Variants in PLCB4 observed in about 807,000 individuals in gnomAD.
The protein encoded by PLCB4 is phospholipase C beta 4, also known as 1-phosphatidylinositol 4,5-bisphosphate phosphodiesterase beta-4.
A neutral mutation model predicts 178.8 loss-of-function variants in PLCB4; 77 were observed. That is an observed-to-expected ratio of 0.43 (90% CI 0.36 to 0.52). The LOEUF (loss-of-function observed/expected upper bound fraction) is 0.52. PLCB4 is among the 20% of genes least tolerant of loss of function. The pLI, the probability that PLCB4 is intolerant of heterozygous loss-of-function variation, is 0.00. For missense variants in PLCB4, 1,024 were observed against 1,453.4 expected (o/e 0.70, Z 4.80); for synonymous variants, 496 against 490.8 (o/e 1.01, Z -0.14).
chr20:9,133,391 C>T (rs2092316542), intron 2 of PLCB4, among the ~76,000 whole-genome samples: 1 of 152,074 alleles, frequency 6.6e-6, no homozygotes, highest in Admixed American at 6.6e-5. Context: ...CCTCAGCCTC[C>T]CGAGTAGTTG....
At chr20:9,377,021 G>A (rs1039161260) in intron 12 of PLCB4, among the ~76,000 whole-genome samples, 1 of 152,160 alleles carries the variant, frequency 6.6e-6, no homozygotes, top group Non-Finnish European at 1.5e-5. Context: ...CAAAGAGAGA[G>A]AAGGAGGGTA....
intron 1 of PLCB4, among the ~76,000 whole-genome samples, chr20:9,076,415 C>T (rs375530699): frequency 6.6e-6 from 1 of 151,956 alleles, no homozygotes; most frequent in African/African-American, 2.4e-5. Flanking sequence ...TGCAGTGAGC[C>T]GAGATCACAT....
chr20:9,333,521 A>G (rs2032002542), intron 4 of PLCB4, among the ~76,000 whole-genome samples: 1 of 152,188 alleles, frequency 6.6e-6, no homozygotes, highest in African/African-American at 2.4e-5. Flanking sequence ...AGAGAGTGGC[A>G]TGAGATAAAA....
chr20:9,329,367 T>C (rs1164820179), intron 4 of PLCB4, among the ~76,000 whole-genome samples: 3 of 152,188 alleles, frequency 2.0e-5, no homozygotes, highest in African/African-American at 7.2e-5. Context: ...CTAGCTCCTA[T>C]ATCAATAATA....
intron 3 of PLCB4, among the ~76,000 whole-genome samples, chr20:9,233,713 T>C (rs1466624778): frequency 6.6e-6 from 1 of 152,178 alleles, no homozygotes; most frequent in Non-Finnish European, 1.5e-5. Context: ...GAAGAACTTA[T>C]GTTTAACTAA....
chr20:9,432,018 A>T (rs1318388590), intron 28 of PLCB4, among the ~76,000 whole-genome samples: 2 of 152,208 alleles, frequency 1.3e-5, no homozygotes, highest in Non-Finnish European at 2.9e-5. Flanking sequence ...CTTTTTATAG[A>T]AAAGTTGAAA....
chr20:9,355,480 T>G (rs2034724384), intron 7 of PLCB4, among the ~76,000 whole-genome samples: 1 of 151,812 alleles, frequency 6.6e-6, no homozygotes, highest in African/African-American at 2.4e-5. Context: ...GAGTGTGATG[T>G]CCCCCTTCCT....
chr20:9,392,011 G>T lies in PLCB4; in HGVS notation c.1323+1396G>T, dbSNP rs992103709. Among the ~76,000 whole-genome samples, 6 of 152,228 alleles carry T rather than the reference G, an allele frequency of 3.9e-5. No individual in the cohort carries two copies. In the South Asian group the frequency reaches 1.2e-3, roughly 32 times the overall value. ...TGGTGCAATACTACTTTTCTCTGAG[G>T]CTGATTTTAAGGGAACCCAAACTAA... On this transcript the variant is annotated intron_variant, in intron 17 of 39. Transcript: ENST00000378473.
At position 9,184,129 on chromosome 20, in the gene PLCB4, G is replaced by A. The variant is rs546380794; in HGVS notation, c.-78-33261G>A. 1.2e-4 allele frequency among the ~76,000 whole-genome samples: 18 copies of A among 152,268 alleles called. No individual in the cohort carries two copies. In the South Asian group the frequency reaches 3.5e-3, roughly 30 times the overall value. The stretch of plus-strand genomic sequence containing the variant: ...CAAAGAAGGAATTAAATTGAAGGTA[G>A]AAGGCATCCTATTTCCTACATTGAC... On this transcript the variant is annotated intron_variant, in intron 2 of 39. Transcript: ENST00000378473.
chr20:9,191,214 G>A (rs1321581), intron 2 of PLCB4, among the ~76,000 whole-genome samples: 71,991 of 151,884 alleles, frequency 0.47, 17,650 homozygotes, highest in African/African-American at 0.61. Context: ...TTGAATGTGT[G>A]TCTCCGTCCA....
intron 2 of PLCB4, among the ~76,000 whole-genome samples, chr20:9,179,604 C>T (rs2093212540): frequency 6.6e-6 from 1 of 152,184 alleles, no homozygotes; most frequent in African/African-American, 2.4e-5. Flanking sequence ...AAAACGAATA[C>T]AGCAGATTTA....
At chr20:9,441,469 T>C (rs1298822499) in intron 30 of PLCB4, among the ~76,000 whole-genome samples, 2 of 152,072 alleles carry the variant, frequency 1.3e-5, no homozygotes, top group African/African-American at 4.8e-5. Context: ...AGGCTTCCAG[T>C]GCAAGTAGTT....
At chr20:9,104,584 C>G (rs945244249) in intron 2 of PLCB4, among the ~76,000 whole-genome samples, 15 of 152,088 alleles carry the variant, frequency 9.9e-5, no homozygotes, top group African/African-American at 3.6e-4. Flanking sequence ...CTGTAGCTCC[C>G]CATTTTCTAC....
At chr20:9,199,780 T>C (rs1430658395) in intron 2 of PLCB4, among the ~76,000 whole-genome samples, 1 of 152,044 alleles carries the variant, frequency 6.6e-6, no homozygotes, top group African/African-American at 2.4e-5. Context: ...TTTCAGACAA[T>C]TGTTGCAGCA....
chr20:9,122,951 T>A (rs1008153817), intron 2 of PLCB4, among the ~76,000 whole-genome samples: 5 of 152,310 alleles, frequency 3.3e-5, no homozygotes, highest in Middle Eastern at 3.4e-3. Context: ...ATCTGTTCTC[T>A]GAAAGATTTT....
At chr20:9,273,707 T>TGTGTGTGTGG (rs2094426622) in intron 3 of PLCB4, among the ~76,000 whole-genome samples, 1 of 151,700 alleles carries the variant, frequency 6.6e-6, no homozygotes, top group Non-Finnish European at 1.5e-5. Flanking sequence ...TGTGTGTGTG[T>TGTGTGTGTGG]GTGTGTGTGT....
intron 1 of PLCB4, among the ~76,000 whole-genome samples, chr20:9,078,004 C>A (rs1035811094): frequency 6.6e-6 from 1 of 152,012 alleles, no homozygotes; most frequent in African/African-American, 2.4e-5. Flanking sequence ...ATTTTTGAGA[C>A]AGGGTCTTGC....
chr20:9,442,204 A>G (rs1328801863), intron 30 of PLCB4, among the ~76,000 whole-genome samples: 1 of 152,220 alleles, frequency 6.6e-6, no homozygotes. Flanking sequence ...CTTAAAAGTT[A>G]AACCTTGAGT....
At chr20:9,394,278 A>G (rs1486725204) in intron 18 of PLCB4, among the ~76,000 whole-genome samples, 1 of 152,180 alleles carries the variant, frequency 6.6e-6, no homozygotes, top group East Asian at 1.9e-4. Context: ...AAAATTTTAA[A>G]TTATGTTAAT....
Sources: allele counts gnomAD v4.1 joint callset (sites outside exome capture counted in the v4.1 genomes callset), GRCh38; gene constraint gnomAD v4.1.1; transcripts MANE v1.5; gene names NCBI Gene and HGNC (gene_info 2026-07-23, HGNC 2026-07-21).